Variants in MTHFD1L observed in about 807,000 individuals in gnomAD.
MTHFD1L encodes the protein monofunctional C1-tetrahydrofolate synthase, mitochondrial.
In MTHFD1L, 81 loss-of-function variants were observed where a neutral mutation model predicts 119.5. That is an observed-to-expected ratio of 0.68 (90% CI 0.57 to 0.82). The LOEUF is 0.82. MTHFD1L is among the 40% of genes least tolerant of loss of function. The pLI is 0.00. For missense variants in MTHFD1L, 1,125 were observed against 1,253.4 expected (o/e 0.90, Z 1.55); for synonymous variants, 430 against 475.2 (o/e 0.90, Z 1.24).
In MTHFD1L at chr6:150,960,523, G is replaced by A. The variant is rs915254490; in HGVS notation, c.1944+108G>A. 7.8e-6 allele frequency: 11 copies of A among 1,405,652 alleles called. 1 individual carries two copies. The African/African-American group carries it at 1.5e-4, about 19-fold the overall frequency. The allele number at this position is 1,405,652 out of a possible 1,614,324, so 87.1% of individuals were successfully genotyped here. On this transcript the variant is annotated intron_variant, in intron 18 of 27. Transcript: ENST00000367321. Reference sequence around the variant, plus strand: ...TATCAGTGAGTGTAATGAGGATACAGAAAAAGTTTCCACACACACATTTCT... The same window carrying A: ...TATCAGTGAGTGTAATGAGGATACAAAAAAAGTTTCCACACACACATTTCT...
intron 20 of MTHFD1L, among the ~76,000 whole-genome samples, chr6:150,999,352 A>G (rs1780279728): frequency 6.6e-6 from 1 of 152,096 alleles, no homozygotes; most frequent in African/African-American, 2.4e-5. Flanking sequence ...ATTTGTTTTG[A>G]GTTAACTTCC....
chr6:151,010,952 G>C (rs946359809), intron 21 of MTHFD1L, among the ~76,000 whole-genome samples: 2 of 152,198 alleles, frequency 1.3e-5, no homozygotes, highest in African/African-American at 4.8e-5. Flanking sequence ...TCCTGGGAGA[G>C]GTGGACATGA....
intron 7 of MTHFD1L, among the ~76,000 whole-genome samples, chr6:150,896,331 C>G (rs935886005): frequency 1.7e-4 from 26 of 152,320 alleles, no homozygotes; most frequent in Non-Finnish European, 2.9e-5. Context: ...GCTGTCCCCT[C>G]CCTGAGGCCT....
At chr6:151,092,903 T>C (rs1244214060) in intron 27 of MTHFD1L, among the ~76,000 whole-genome samples, 1 of 152,238 alleles carries the variant, frequency 6.6e-6, no homozygotes, top group Non-Finnish European at 1.5e-5. Flanking sequence ...AAACTCATTG[T>C]TCTTTTCCAG....
intron 16 of MTHFD1L, among the ~76,000 whole-genome samples, chr6:150,952,607 G>A (rs887807687): frequency 2.0e-5 from 3 of 151,692 alleles, no homozygotes; most frequent in African/African-American, 7.3e-5. Context: ...TCGGCTCACC[G>A]CAACCTCCAA....
At chr6:150,868,752 C>T (rs928963025) in intron 1 of MTHFD1L, among the ~76,000 whole-genome samples, 1 of 152,062 alleles carries the variant, frequency 6.6e-6, no homozygotes, top group Non-Finnish European at 1.5e-5. Flanking sequence ...TTAGTAGGTA[C>T]ATTTATAACA....
intron 1 of MTHFD1L, chr6:150,866,300 G>A: frequency 6.8e-7 from 1 of 1,474,038 alleles, no homozygotes; most frequent in South Asian, 1.3e-5. Flanking sequence ...TCTCCAATGG[G>A]CGCCTAGCGG....
Position 150,964,828 on chromosome 6 carries a change from G to T in MTHFD1L, c.1945-141G>T, listed in dbSNP as rs1306630221. 6.4e-6 allele frequency: 4 copies of T among 628,618 alleles called. No homozygotes were observed. The Admixed American group carries it at 1.1e-4, about 17-fold the overall frequency. The allele number at this position is 628,618 out of a possible 1,614,324, so 38.9% of individuals were successfully genotyped here. On this transcript the variant is annotated intron_variant, in intron 18 of 27. Coordinates refer to ENST00000367321, the MANE Select transcript of MTHFD1L (RefSeq NM_015440.5). Reference sequence around the variant, plus strand: ...GCTCTGGTGGGGAGAGGTGGACAGAGACAGCAGCACTGTCCCCTGTGGCCC... The same window carrying T: ...GCTCTGGTGGGGAGAGGTGGACAGATACAGCAGCACTGTCCCCTGTGGCCC...
chr6:151,022,433 C>T (rs751783890), intron 24 of MTHFD1L: 14 of 180,744 alleles, frequency 7.7e-5, no homozygotes, highest in Non-Finnish European at 1.5e-4. Context: ...TACAATTTCC[C>T]CTTTAATCGC....
chr6:150,922,190 C>G lies in MTHFD1L; in HGVS notation c.985-15C>G. On this transcript the variant is annotated splice_polypyrimidine_tract_variant and intron_variant, in intron 9 of 27. Coordinates refer to ENST00000367321, the MANE Select transcript of MTHFD1L (RefSeq NM_015440.5). The stretch of plus-strand genomic sequence containing the variant: ...TTACCATTCTAACATGTTTTCCCCT[C>G]TATCCCTGCTGAAGAACATGGTCAG... 1.2e-6 allele frequency: 2 copies of G among 1,602,686 alleles called. No individual in the cohort carries two copies. Among genetic ancestry groups the G allele is most frequent in the South Asian group, 2.2e-5 (2 of 90,592 alleles).
At chr6:150,923,320 G>C (rs1789319713) in intron 10 of MTHFD1L, among the ~76,000 whole-genome samples, 1 of 151,968 alleles carries the variant, frequency 6.6e-6, no homozygotes, top group Admixed American at 6.6e-5. Context: ...TAGGGATGAT[G>C]TCTGAATCAG....
At chr6:150,942,246 C>T (rs899021625) in intron 13 of MTHFD1L, among the ~76,000 whole-genome samples, 9 of 152,228 alleles carry the variant, frequency 5.9e-5, no homozygotes, top group South Asian at 4.2e-4. Flanking sequence ...GCAACAAGAG[C>T]GAGACTCCGT....
At chr6:151,053,519 G>A (rs9322300) in intron 26 of MTHFD1L, among the ~76,000 whole-genome samples, 47,809 of 152,030 alleles carry the variant, frequency 0.31, 9,092 homozygotes, top group East Asian at 0.49. Flanking sequence ...ACTGAATTTA[G>A]CAAATTATTC....
At chr6:150,920,558 A>G (rs900483365) in intron 9 of MTHFD1L, among the ~76,000 whole-genome samples, 13 of 152,182 alleles carry the variant, frequency 8.5e-5, no homozygotes, top group Non-Finnish European at 1.5e-4. Flanking sequence ...TTTACTTATA[A>G]TTTATATGCA....
chr6:150,966,572 C>T (rs938606701), intron 19 of MTHFD1L, among the ~76,000 whole-genome samples: 7 of 152,174 alleles, frequency 4.6e-5, no homozygotes, highest in African/African-American at 1.7e-4. Context: ...CCTGTAATCC[C>T]AGCACTTTGG....
chr6:150,984,361 G>C (rs952156762), intron 20 of MTHFD1L, among the ~76,000 whole-genome samples: 1 of 152,098 alleles, frequency 6.6e-6, no homozygotes, highest in Admixed American at 6.5e-5. Context: ...CAATTTTTTA[G>C]AATTGATTTT....
At chr6:150,987,426 G>A (rs1452527008) in intron 20 of MTHFD1L, among the ~76,000 whole-genome samples, 1 of 152,208 alleles carries the variant, frequency 6.6e-6, no homozygotes, top group Admixed American at 6.5e-5. Flanking sequence ...GCTAACAGTC[G>A]TAAGAGTTTA....
intron 11 of MTHFD1L, among the ~76,000 whole-genome samples, chr6:150,932,809 AGGGAGGGAGG>A (rs1791314394): frequency 7.8e-6 from 1 of 128,498 alleles, no homozygotes; most frequent in Non-Finnish European, 1.6e-5. Flanking sequence ...GGAGGAAGAG[AGGGAGGGAGG>A]AAGGAAGGAA....
At chr6:151,048,674 A>C (rs189955887) in intron 26 of MTHFD1L, among the ~76,000 whole-genome samples, 84 of 152,302 alleles carry the variant, frequency 5.5e-4, no homozygotes, top group Non-Finnish European at 1.1e-3. Context: ...TTTTGGGATC[A>C]ATGTGCTAGT....
Sources: gnomAD v4.1 joint callset for allele counts (sites outside exome capture counted in the v4.1 genomes callset) on GRCh38, gnomAD v4.1.1 for gene constraint, MANE v1.5 for transcripts, NCBI Gene and HGNC (gene_info 2026-07-23, HGNC 2026-07-21) for gene names.